Variants in PCDHGA5 observed in about 807,000 individuals in gnomAD.
PCDHGA5 encodes the protein protocadherin gamma-A5.
In PCDHGA5, 36 loss-of-function variants were observed where a neutral mutation model predicts 56.7. That is an observed-to-expected ratio of 0.64 (90% CI 0.49 to 0.84). The LOEUF (loss-of-function observed/expected upper bound fraction) is 0.84. PCDHGA5 is among the 40% of genes least tolerant of loss of function. The pLI, the probability that PCDHGA5 is intolerant of heterozygous loss-of-function variation, is 0.00. For synonymous variants in PCDHGA5, 563 were observed against 520.2 expected (o/e 1.08, Z -1.12); for missense variants, 1,305 against 1,201.5 (o/e 1.09, Z -1.27).
chr5:141,475,139 C>T (rs928313061), intron 1 of PCDHGA5, among the ~76,000 whole-genome samples: 2 of 151,928 alleles, frequency 1.3e-5, no homozygotes, highest in African/African-American at 4.8e-5. Flanking sequence ...TTTTTGAAAT[C>T]TTCTCCGTCT....
intron 1 of PCDHGA5, chr5:141,421,009 T>G (rs948913987): frequency 1.9e-6 from 1 of 515,496 alleles, no homozygotes. Context: ...AATCAGGGAA[T>G]GGGAAGCTGC....
At chr5:141,455,661 T>TG (rs2098828692) in intron 1 of PCDHGA5, among the ~76,000 whole-genome samples, 1 of 152,024 alleles carries the variant, frequency 6.6e-6, no homozygotes, top group South Asian at 2.1e-4. Context: ...CAGGAACTTG[T>TG]GGGGCAAGGG....
At chr5:141,371,198 C>T (rs1262437618) in intron 1 of PCDHGA5, 124 of 1,613,890 alleles carry the variant, frequency 7.7e-5, no homozygotes, top group Non-Finnish European at 1.0e-4. Context: ...TGGCCATTGA[C>T]ATGGATGAGG....
rs999687684 is a variant in PCDHGA5, at chr5:141,431,598, C to T, written c.2422-63209C>T. 1 of 1,614,192 alleles carries T rather than the reference C, an allele frequency of 6.2e-7. No homozygotes were observed. The highest frequency in any genetic ancestry group is 8.5e-7 in the Non-Finnish European group (1 of 1,180,046). ...GGAGTCAATGCGGAAGTGAGGTATT[C>T]CTTCCGGTATGTGGACGACAAGGCG... is the stretch of plus-strand genomic sequence containing the variant. On this transcript the variant is annotated intron_variant, in intron 1 of 3. Coordinates refer to ENST00000518069, the MANE Select transcript of PCDHGA5 (RefSeq NM_018918.3). This position sits in a 1 kb window ranked among gnomAD's most constrained non-coding sequence, Gnocchi z 4.8.
Position 141,366,316 on chromosome 5 carries a change from T to G in PCDHGA5, c.1986T>G (p.Val662=). ...TGTCAGCCACCTTCACGGTCACCGT[T>G]GCCGTGGCCGACAGGATCCCTGACA... The part of the protein sequence containing the change: ...PPLSATFTVT[V]AVADRIPDIL... Residue 662 remains valine, a synonymous_variant, in exon 1 of 4, where the codon GTT becomes GTG. Transcript: ENST00000518069. 6.2e-7 allele frequency: 1 copy of G among 1,613,764 alleles called. No individual in the cohort carries two copies. The highest frequency in any genetic ancestry group is 8.5e-7 in the Non-Finnish European group (1 of 1,179,966).
intron 1 of PCDHGA5, chr5:141,410,177 A>C (rs2095365763): frequency 1.2e-6 from 2 of 1,613,626 alleles, no homozygotes; most frequent in Non-Finnish European, 1.7e-6. Flanking sequence ...TGCCACCGCC[A>C]CGCTTCATCT....
chr5:141,446,633 C>T (rs2098509543), intron 1 of PCDHGA5, among the ~76,000 whole-genome samples: 4 of 152,208 alleles, frequency 2.6e-5, no homozygotes, highest in East Asian at 1.9e-4. Flanking sequence ...TGCACCACCA[C>T]GCCTGGCTAA....
In PCDHGA5 at chr5:141,370,820, C is replaced by T. The variant is rs140287572; in HGVS notation, c.2421+4069C>T. On this transcript the variant is annotated intron_variant, in intron 1 of 3. Coordinates refer to ENST00000518069, the MANE Select transcript of PCDHGA5 (RefSeq NM_018918.3). ...GCCAAAATATCACTGAGCTGGAAATCAGCGAACTGGCTCTCACTGGAGCCA... is the reference window on the plus strand; with the variant it reads ...GCCAAAATATCACTGAGCTGGAAATTAGCGAACTGGCTCTCACTGGAGCCA... 7 of 1,614,062 alleles carry T rather than the reference C, an allele frequency of 4.3e-6. No homozygotes were observed. The African/African-American group carries it at 5.3e-5, about 12-fold the overall frequency.
intron 1 of PCDHGA5, among the ~76,000 whole-genome samples, chr5:141,453,999 A>C (rs1561953352): frequency 6.6e-6 from 1 of 152,258 alleles, no homozygotes; most frequent in South Asian, 2.1e-4. Flanking sequence ...ATAAACCCAC[A>C]TAACATTTTA....
In PCDHGA5 at chr5:141,431,304, T is replaced by G. The variant is rs749116196; in HGVS notation, c.2422-63503T>G. The G allele has an allele frequency of 7.4e-6, 12 of 1,614,104 alleles. No individual in the cohort carries two copies. Among genetic ancestry groups the G allele is most frequent in the Non-Finnish European group, 9.3e-6 (11 of 1,180,030 alleles). On this transcript the variant is annotated intron_variant, in intron 1 of 3. Coordinates refer to ENST00000518069, the MANE Select transcript of PCDHGA5 (RefSeq NM_018918.3). The surrounding 1 kb of genome is among the most constrained non-coding windows in gnomAD (Gnocchi z 4.8). ...CCGAACACTCACTTCTCCCTCATCGTGCAAAATGGAGCCGACGGTAGTAAG... is the reference window on the plus strand; with the variant it reads ...CCGAACACTCACTTCTCCCTCATCGGGCAAAATGGAGCCGACGGTAGTAAG...
intron 1 of PCDHGA5, among the ~76,000 whole-genome samples, chr5:141,368,592 A>G (rs1277512291): frequency 6.6e-6 from 1 of 152,198 alleles, no homozygotes; most frequent in Non-Finnish European, 1.5e-5. Context: ...TGTTTGGGAA[A>G]AAAGTAAAGG....
chr5:141,441,700 T>TCAAG (rs1409793305), intron 1 of PCDHGA5: 1 of 308,660 alleles, frequency 3.2e-6, no homozygotes, highest in African/African-American at 2.3e-5. Context: ...CCGCGAGCCT[T>TCAAG]CAAGCTCACG....
chr5:141,413,381 G>A, intron 1 of PCDHGA5: 1 of 1,613,946 alleles, frequency 6.2e-7, no homozygotes, highest in Non-Finnish European at 8.5e-7. Flanking sequence ...CGCGGAGTCC[G>A]CATAGTCTCC....
intron 1 of PCDHGA5, chr5:141,390,317 C>T: frequency 1.2e-6 from 2 of 1,610,390 alleles, no homozygotes; most frequent in Non-Finnish European, 1.7e-6. Context: ...ATGCTCATTG[C>T]CTACCCATTT....
In PCDHGA5 at chr5:141,404,772, G is replaced by A. The variant is rs764262966; in HGVS notation, c.2421+38021G>A. On this transcript the variant is annotated intron_variant, in intron 1 of 3. Transcript: ENST00000518069. ...GGCCAGAATGCTTGGCTCTCCTACC[G>A]CCTATTCAAGGCCAGTGAGCCAGGG... The A allele has an allele frequency of 9.9e-6, 16 of 1,613,820 alleles. No individual in the cohort carries two copies. The highest frequency in any genetic ancestry group is 5.0e-5 in the Admixed American group (3 of 60,000).
At position 141,481,468 on chromosome 5, in the gene PCDHGA5, G is replaced by A. The variant is rs575259839; in HGVS notation, c.2422-13339G>A. Among the ~76,000 whole-genome samples the A allele has an allele frequency of 2.6e-5, 4 of 152,332 alleles. No homozygotes were observed. In the South Asian group the frequency reaches 8.3e-4, roughly 32 times the overall value. On this transcript the variant is annotated intron_variant, in intron 1 of 3. Transcript: ENST00000518069. Reference sequence around the variant, plus strand: ...CATGTAAATACACTGAAAACCATTGGATTATACACTTTAAATATGTGATTT... The same window carrying A: ...CATGTAAATACACTGAAAACCATTGAATTATACACTTTAAATATGTGATTT...
rs1399367534 is a variant in PCDHGA5 at position 141,487,098 on chromosome 5, A to G, written c.2422-7709A>G. 6.2e-7 allele frequency: 1 copy of G among 1,613,778 alleles called. No homozygotes were observed. The highest frequency in any genetic ancestry group is 8.5e-7 in the Non-Finnish European group (1 of 1,179,788). On this transcript the variant is annotated intron_variant, in intron 1 of 3. Transcript: ENST00000518069. The surrounding 1 kb of genome is among the most constrained non-coding windows in gnomAD (Gnocchi z 5.0). ...ATCCCAGCTGACCTCCCACCACAGA[A>G]GCTGGTCATTGTGGTAAAGGATAGT...
At chr5:141,392,160 T>C (rs1426961496) in intron 1 of PCDHGA5, 1 of 152,220 alleles carries the variant, frequency 6.6e-6, no homozygotes, top group Non-Finnish European at 1.5e-5. Context: ...TAAAACAATT[T>C]CTGAGTCAGT....
Position 141,370,390 on chromosome 5 carries a change from G to A in PCDHGA5, c.2421+3639G>A, listed in dbSNP as rs765930146. 5.2e-6 allele frequency: 8 copies of A among 1,543,776 alleles called. No homozygotes were observed. In the African/African-American group the frequency reaches 9.7e-5, roughly 19 times the overall value. The stretch of plus-strand genomic sequence containing the variant: ...ATTTAGAAAGGCAAAGGCGCAGAGA[G>A]CGGGATGGGAAATAGCTCCGGATGG... On this transcript the variant is annotated intron_variant, in intron 1 of 3. Transcript: ENST00000518069.
Sources: allele counts gnomAD v4.1 joint callset (sites outside exome capture counted in the v4.1 genomes callset), GRCh38; gene constraint gnomAD v4.1.1; non-coding constraint Gnocchi (gnomAD v3.1); transcripts MANE v1.5; gene names NCBI Gene and HGNC (gene_info 2026-07-23, HGNC 2026-07-21).